Variants in GNG12 observed in about 807,000 individuals in gnomAD.
GNG12 encodes G protein subunit gamma 12.
For missense variants in GNG12, 69 were observed against 83.8 expected, an observed-to-expected ratio of 0.82 and a Z score of 0.69; for synonymous variants, 28 against 29.7, an observed-to-expected ratio of 0.94 and a Z score of 0.19.
chr1:67,741,614 T>C (rs1029028941), intron 2 of GNG12, among the ~76,000 whole-genome samples: 15 of 152,328 alleles, frequency 9.8e-5, no homozygotes, highest in South Asian at 2.1e-4. Context: ...TCCACCATCT[T>C]TGAGTCTATA....
intron 1 of GNG12, among the ~76,000 whole-genome samples, chr1:67,818,650 C>T (rs1448671775): frequency 6.6e-6 from 1 of 151,908 alleles, no homozygotes; most frequent in African/African-American, 2.4e-5. Context: ...TTGCCTGGCA[C>T]TGAGAAAGGT....
intron 2 of GNG12, among the ~76,000 whole-genome samples, chr1:67,767,663 A>AT (rs1646649199): frequency 6.6e-6 from 1 of 152,226 alleles, no homozygotes; most frequent in East Asian, 1.9e-4. Context: ...GTTTGTTTGC[A>AT]TATTTTCAGT....
intron 1 of GNG12, among the ~76,000 whole-genome samples, chr1:67,788,077 T>C (rs1646780533): frequency 6.6e-6 from 1 of 152,224 alleles, no homozygotes. Flanking sequence ...CTAACTTGAA[T>C]CCTTTGAACC....
chr1:67,751,423 A>G lies in GNG12; in HGVS notation c.-27+26035T>C, dbSNP rs573753139. Among the ~76,000 whole-genome samples, 7 of 152,276 alleles carry G rather than the reference A, an allele frequency of 4.6e-5. No homozygotes were observed. In the East Asian group the frequency reaches 7.7e-4, roughly 17 times the overall value. ...TAGTATCTGAAGAAAAAAGCTTTCA[A>G]TGGCTCAGGGGGCAGGACAGTCACC... On this transcript the variant is annotated intron_variant, in intron 2 of 3. Transcript: ENST00000370982.
At chr1:67,732,164 A>C (rs974896546) in intron 2 of GNG12, among the ~76,000 whole-genome samples, 7 of 152,242 alleles carry the variant, frequency 4.6e-5, no homozygotes, top group African/African-American at 1.7e-4. Context: ...AGACATCTAG[A>C]GGAAAAAAAT....
rs1354290767 is a variant in GNG12, at chr1:67,741,611, T to C, written c.-26-33899A>G. ...TCATCAAAGGTCTTTAATTCCACCATCTTTGAGTCTATAACAATTAAGCTA... is the reference window on the plus strand; with the variant it reads ...TCATCAAAGGTCTTTAATTCCACCACCTTTGAGTCTATAACAATTAAGCTA... On this transcript the variant is annotated intron_variant, in intron 2 of 3. Coordinates refer to ENST00000370982, the MANE Select transcript of GNG12 (RefSeq NM_018841.6). Among the ~76,000 whole-genome samples, 4 of 152,186 alleles carry C rather than the reference T, an allele frequency of 2.6e-5. No individual in the cohort carries two copies. In the East Asian group the frequency reaches 7.7e-4, roughly 29 times the overall value.
chr1:67,825,269 A>T (rs1226102221), intron 1 of GNG12, among the ~76,000 whole-genome samples: 2 of 152,242 alleles, frequency 1.3e-5, no homozygotes, highest in Non-Finnish European at 2.9e-5. Flanking sequence ...AGATAGCTGC[A>T]TTTAACCAGG....
chr1:67,761,335 G>A (rs1646602954), intron 2 of GNG12, among the ~76,000 whole-genome samples: 1 of 152,202 alleles, frequency 6.6e-6, no homozygotes, highest in African/African-American at 2.4e-5. Context: ...GAAAAATCAT[G>A]CTCTAAAATA....
At chr1:67,735,951 G>A (rs371146603) in intron 2 of GNG12, among the ~76,000 whole-genome samples, 8 of 152,124 alleles carry the variant, frequency 5.3e-5, no homozygotes, top group African/African-American at 9.7e-5. Flanking sequence ...TTTCCTGGGC[G>A]CTAAACCAAG....
intron 1 of GNG12, among the ~76,000 whole-genome samples, chr1:67,830,406 T>C (rs1442545333): frequency 6.6e-6 from 1 of 152,212 alleles, no homozygotes; most frequent in Admixed American, 6.5e-5. Flanking sequence ...CATGAAAGTT[T>C]ACAAATAAAA....
At chr1:67,817,303 T>C (rs1269281166) in intron 1 of GNG12, among the ~76,000 whole-genome samples, 1 of 152,238 alleles carries the variant, frequency 6.6e-6, no homozygotes, top group African/African-American at 2.4e-5. Context: ...GAGCACTTTA[T>C]GTATACAATC....
At chr1:67,765,073 A>C (rs1646627760) in intron 2 of GNG12, among the ~76,000 whole-genome samples, 2 of 152,208 alleles carry the variant, frequency 1.3e-5, no homozygotes, top group South Asian at 4.1e-4. Flanking sequence ...AATACATAAA[A>C]ATTAAAGTAG....
chr1:67,757,719 G>T (rs1420747936), intron 2 of GNG12, among the ~76,000 whole-genome samples: 1 of 152,088 alleles, frequency 6.6e-6, no homozygotes, highest in East Asian at 1.9e-4. Context: ...TGATATGTGT[G>T]ATTTTGGTCA....
chr1:67,744,191 G>C (rs944310679), intron 2 of GNG12, among the ~76,000 whole-genome samples: 131 of 152,120 alleles, frequency 8.6e-4, no homozygotes, highest in African/African-American at 3.1e-3. Flanking sequence ...TTTATGTATG[G>C]AGAAACAAAG....
At chr1:67,775,540 T>C (rs964878360) in intron 2 of GNG12, among the ~76,000 whole-genome samples, 15 of 152,262 alleles carry the variant, frequency 9.9e-5, no homozygotes, top group African/African-American at 3.4e-4. Context: ...GTGATTCTGA[T>C]GAGCTGCTGG....
chr1:67,808,777 G>C (rs558196868), intron 1 of GNG12, among the ~76,000 whole-genome samples: 6 of 152,252 alleles, frequency 3.9e-5, no homozygotes, highest in African/African-American at 1.4e-4. Context: ...ACTATAAAAT[G>C]CTGATGAAAT....
At chr1:67,786,098 A>G (rs1035385539) in intron 1 of GNG12, among the ~76,000 whole-genome samples, 2 of 152,206 alleles carry the variant, frequency 1.3e-5, no homozygotes, top group African/African-American at 2.4e-5. Flanking sequence ...TGAAATGAAA[A>G]CATCCAAAAT....
At chr1:67,773,813 G>A (rs915787769) in intron 2 of GNG12, among the ~76,000 whole-genome samples, 2 of 152,148 alleles carry the variant, frequency 1.3e-5, no homozygotes, top group African/African-American at 4.8e-5. Flanking sequence ...AAATGCCAAG[G>A]CTCAGCATCA....
chr1:67,735,423 G>C (rs1646447523), intron 2 of GNG12, among the ~76,000 whole-genome samples: 1 of 152,190 alleles, frequency 6.6e-6, no homozygotes, highest in Non-Finnish European at 1.5e-5. Flanking sequence ...GCTGGCAAAG[G>C]GAGTTATTAG....
Sources: gnomAD v4.1 joint callset for allele counts (sites outside exome capture counted in the v4.1 genomes callset) on GRCh38, gnomAD v4.1.1 for gene constraint, MANE v1.5 for transcripts, NCBI Gene and HGNC (gene_info 2026-07-23, HGNC 2026-07-21) for gene names.